The following INSR variants were observed in gnomAD, a reference collection of about 807,000 sequenced individuals.
INSR encodes the protein insulin receptor.
Under a neutral mutation model 142.6 loss-of-function variants are expected in INSR, and 67 were observed. The ratio of observed to expected loss-of-function variants is 0.47; its 90% CI spans 0.39 to 0.58. The LOEUF is 0.58. Among genes scored for constraint, INSR ranks in the 20% least tolerant of loss-of-function variants. INSR has a pLI of 0.00. For synonymous variants in INSR, 756 were observed against 743.1 expected, an observed-to-expected ratio of 1.02 and a Z score of -0.28; for missense variants, 1,248 against 1,833.2, an observed-to-expected ratio of 0.68 and a Z score of 5.83.
chr19:7,262,695 A>G (rs1365509179), intron 2 of INSR, among the ~76,000 whole-genome samples: 2 of 152,336 alleles, frequency 1.3e-5, no homozygotes, highest in East Asian at 3.9e-4. Context: ...GACACAGGCT[A>G]CCACGTGGAT....
chr19:7,243,249 T>G (rs796391173), intron 2 of INSR, among the ~76,000 whole-genome samples: 1,409 of 133,850 alleles, frequency 0.011, 47 homozygotes, highest in African/African-American at 0.038. Context: ...TTTTTTTTTT[T>G]TTTTTTTTTT....
chr19:7,271,231 C>T (rs1282387583), intron 1 of INSR, among the ~76,000 whole-genome samples: 2 of 152,178 alleles, frequency 1.3e-5, no homozygotes, highest in Admixed American at 1.3e-4. Context: ...CACCGTGGCT[C>T]ACACTTGTAA....
chr19:7,151,097 CCTCT>C (rs889410556), intron 10 of INSR, among the ~76,000 whole-genome samples: 1 of 146,994 alleles, frequency 6.8e-6, no homozygotes, highest in East Asian at 2.0e-4. Flanking sequence ...TTCCTTCCCT[CCTCT>C]CTCCCTCCCT....
At chr19:7,169,046 A>G (rs1973952456) in intron 6 of INSR, among the ~76,000 whole-genome samples, 1 of 144,514 alleles carries the variant, frequency 6.9e-6, no homozygotes, top group African/African-American at 2.5e-5. Flanking sequence ...CTGCTGTAGC[A>G]TTCCAGCCAA....
rs72149315 is a variant in INSR at position 7,114,047 on chromosome 19, C to CAAAAAAAA, written c.*3001_*3008dup. On this transcript the variant is annotated 3_prime_UTR_variant, in exon 22 of 22. Coordinates refer to ENST00000302850, the MANE Select transcript of INSR (RefSeq NM_000208.4). ...AACACAGAGGTCCAAGGTGTTGTTG[C>CAAAAAAAA]AAAAAAAAAAAAAAAAAAAAAAAAA... 2 of 65,506 alleles carry CAAAAAAAA rather than the reference C, an allele frequency of 3.1e-5. No individual in the cohort carries two copies. The highest frequency in any genetic ancestry group is 6.2e-5 in the African/African-American group (1 of 16,088). The allele number at this position is 65,506 out of a possible 1,614,324, so 4.1% of individuals were successfully genotyped here. A position where few individuals can be genotyped will look rare whatever the true frequency, so the allele number is the denominator to read the frequency against.
intron 1 of INSR, among the ~76,000 whole-genome samples, chr19:7,282,739 C>T (rs1968239288): frequency 6.6e-6 from 1 of 151,776 alleles, no homozygotes; most frequent in South Asian, 2.1e-4. Context: ...GTAATCCCAG[C>T]ACTTTGGGAG....
intron 2 of INSR, among the ~76,000 whole-genome samples, chr19:7,265,206 A>AACTACCATGATCAGAACAGTC (rs1349249831): frequency 1.3e-5 from 2 of 152,178 alleles, no homozygotes; most frequent in Non-Finnish European, 2.9e-5. Context: ...AACATGATAA[A>AACTACCATGATCAGAACAGTC]ACTACCATGA....
At chr19:7,127,217 A>C (rs1380975635) in intron 15 of INSR, among the ~76,000 whole-genome samples, 1 of 152,110 alleles carries the variant, frequency 6.6e-6, no homozygotes, top group East Asian at 1.9e-4. Context: ...TTTTTAAATA[A>C]TTTATGGCCA....
rs1445079884 is a variant in INSR at position 7,113,942 on chromosome 19, C to T, written c.*3114G>A. 6.6e-6 allele frequency: 1 copy of T among 150,736 alleles called. No homozygotes were observed. The highest frequency in any genetic ancestry group is 2.4e-5 in the African/African-American group (1 of 40,924). The allele number at this position is 150,736 out of a possible 1,614,324, so 9.3% of individuals were successfully genotyped here. A position where few individuals can be genotyped will look rare whatever the true frequency, so the allele number is the denominator to read the frequency against. On this transcript the variant is annotated 3_prime_UTR_variant, in exon 22 of 22. Coordinates refer to ENST00000302850, the MANE Select transcript of INSR (RefSeq NM_000208.4). ...CAAGAGCAGCAAGATTTGGGCCCCA[C>T]TGGTCCTGCCTAGACTCTCACATGG... is the stretch of plus-strand genomic sequence containing the variant.
At chr19:7,227,566 C>T (rs1022595058) in intron 2 of INSR, among the ~76,000 whole-genome samples, 2 of 152,132 alleles carry the variant, frequency 1.3e-5, no homozygotes, top group Non-Finnish European at 2.9e-5. Context: ...AGCCACTGCA[C>T]CCGGTCAACA....
chr19:7,142,666 C>A, intron 12 of INSR, 150 bp downstream of exon 12: 1 of 943,570 alleles, frequency 1.1e-6, no homozygotes, highest in Non-Finnish European at 1.6e-6. Context: ...GTACTCCAGC[C>A]TGGGCGACAG....
intron 18 of INSR, 44 bp downstream of exon 18, chr19:7,122,835 G>A (rs756914659): frequency 3.1e-6 from 5 of 1,611,188 alleles, no homozygotes; most frequent in Non-Finnish European, 4.2e-6. Flanking sequence ...GCCAGGAGCG[G>A]GTGCTCCACC....
At chr19:7,136,118 G>A (rs1317027405) in intron 13 of INSR, among the ~76,000 whole-genome samples, 3 of 151,854 alleles carry the variant, frequency 2.0e-5, no homozygotes, top group African/African-American at 4.8e-5. Context: ...TTTTTGCCAC[G>A]CTCGTGGGCA....
chr19:7,162,944 A>T (rs1319701042), intron 9 of INSR, 88 bp downstream of exon 9: 3 of 1,266,242 alleles, frequency 2.4e-6, no homozygotes, highest in Non-Finnish European at 3.5e-6. Context: ...ACACAGGAAG[A>T]GATAGCTGCT....
At chr19:7,153,459 C>T (rs1973498204) in intron 9 of INSR, among the ~76,000 whole-genome samples, 2 of 131,448 alleles carry the variant, frequency 1.5e-5, no homozygotes, top group South Asian at 2.4e-4. Context: ...CACACCCACG[C>T]CACACACCAC....
At chr19:7,219,757 C>T (rs1303333824) in intron 2 of INSR, among the ~76,000 whole-genome samples, 1 of 152,216 alleles carries the variant, frequency 6.6e-6, no homozygotes, top group Non-Finnish European at 1.5e-5. Flanking sequence ...CTTTCAGGTA[C>T]AGCTAGATCC....
Position 7,200,123 on chromosome 19 carries a change from G to A in INSR, c.653-15486C>T, listed in dbSNP as rs555627265. 1.1e-4 allele frequency among the ~76,000 whole-genome samples: 16 copies of A among 151,454 alleles called. No individual in the cohort carries two copies. In the South Asian group the frequency reaches 3.3e-3, roughly 32 times the overall value. Reference sequence around the variant, plus strand: ...GAGAGGAAAGACAGGGAACCAAGGGGCTTGGACTTTACCCCACAGCAGAAG... The same window carrying A: ...GAGAGGAAAGACAGGGAACCAAGGGACTTGGACTTTACCCCACAGCAGAAG... On this transcript the variant is annotated intron_variant, in intron 2 of 21. Coordinates refer to ENST00000302850, the MANE Select transcript of INSR (RefSeq NM_000208.4).
In INSR at chr19:7,112,675, C is replaced by T. The variant is rs1008230862; in HGVS notation, c.*4381G>A. 6.6e-6 allele frequency: 1 copy of T among 152,068 alleles called. No homozygotes were observed. Among genetic ancestry groups the T allele is most frequent in the Non-Finnish European group, 1.5e-5 (1 of 68,026 alleles). 9.4% of individuals were successfully genotyped at this position (152,068 alleles called of 1,614,324 possible). On this transcript the variant is annotated 3_prime_UTR_variant, in exon 22 of 22. Transcript: ENST00000302850. The stretch of plus-strand genomic sequence containing the variant: ...GTTTTTAACAAGGATTTTCAGTGGC[C>T]CGCACCCAGATAGAAATTTGGCTGG...
At chr19:7,254,791 T>G (rs1428202132) in intron 2 of INSR, among the ~76,000 whole-genome samples, 1 of 152,124 alleles carries the variant, frequency 6.6e-6, no homozygotes, top group Non-Finnish European at 1.5e-5. Context: ...AAAGAACAGA[T>G]TTTAATTCTG....
Sources: gnomAD v4.1 joint callset for allele counts (sites outside exome capture counted in the v4.1 genomes callset) on GRCh38, gnomAD v4.1.1 for gene constraint, MANE v1.5 for transcripts, NCBI Gene and HGNC (gene_info 2026-07-23, HGNC 2026-07-21) for gene names.